Variants in ROR2 observed in about 807,000 individuals in gnomAD.
ROR2 encodes tyrosine-protein kinase transmembrane receptor ROR2.
ROR2 carries 33 observed loss-of-function variants against 74.9 expected under a neutral mutation model. That is an observed-to-expected ratio of 0.44 (90% CI 0.33 to 0.59). ROR2 has a LOEUF of 0.59. ROR2 is among the 20% of genes least tolerant of loss of function. The pLI, the probability that ROR2 is intolerant of heterozygous loss-of-function variation, is 0.02. For synonymous variants in ROR2, 586 were observed against 558.7 expected, an observed-to-expected ratio of 1.05 and a Z score of -0.69; for missense variants, 1,216 against 1,313.8, an observed-to-expected ratio of 0.93 and a Z score of 1.15.
rs902461255 is a variant in ROR2 at position 91,848,947 on chromosome 9, T to C, written c.98-73129A>G. 1.2e-4 allele frequency among the ~76,000 whole-genome samples: 18 copies of C among 152,256 alleles called. 2 individuals carry two copies. The highest frequency in any genetic ancestry group is 8.3e-4 in the South Asian group (4 of 4,820). On this transcript the variant is annotated intron_variant, in intron 1 of 8. Coordinates refer to ENST00000375708, the MANE Select transcript of ROR2 (RefSeq NM_004560.4). ...AATTACAATTCCTTAAAAGGTATTATTGTCTAGGAACATCAGGACTCTTAC... is the reference window on the plus strand; with the variant it reads ...AATTACAATTCCTTAAAAGGTATTACTGTCTAGGAACATCAGGACTCTTAC...
chr9:91,746,551 ACACTTGGCGAGCGGTGCCTTCGAATCATC>A (rs1335901844), intron 4 of ROR2, among the ~76,000 whole-genome samples: 5 of 152,168 alleles, frequency 3.3e-5, no homozygotes, highest in Non-Finnish European at 7.3e-5. Context: ...CCGTGTAGAC[ACACTTGGCGAGCGGTGCCTTCGAATCATC>A]CACTTGGCGA....
intron 1 of ROR2, among the ~76,000 whole-genome samples, chr9:91,925,887 C>A (rs1240429649): frequency 6.6e-6 from 1 of 152,176 alleles, no homozygotes; most frequent in Non-Finnish European, 1.5e-5. Flanking sequence ...TGGTGAGAAA[C>A]AAGTCACTTG....
chr9:91,801,247 G>A (rs1489094462), intron 1 of ROR2, among the ~76,000 whole-genome samples: 1 of 152,212 alleles, frequency 6.6e-6, no homozygotes, highest in Non-Finnish European at 1.5e-5. Context: ...GAAGCGTTCA[G>A]CTCCAAATGT....
In ROR2 at chr9:91,787,801, T is replaced by TG. The variant is rs1554761277; in HGVS notation, c.98-11984dup. On this transcript the variant is annotated intron_variant, in intron 1 of 8. Transcript: ENST00000375708. The stretch of plus-strand genomic sequence containing the variant: ...AAGAAAGTATGTCACATGCACAGAA[T>TG]GGGGGGGAGAAAGTGGCCAACAGAA... Among the ~76,000 whole-genome samples, 8 of 151,580 alleles carry TG rather than the reference T, an allele frequency of 5.3e-5. 1 individual carries two copies. In the East Asian group the frequency reaches 6.1e-4, roughly 11 times the overall value.
chr9:91,723,002 A>G lies in ROR2; in HGVS notation c.*660T>C, dbSNP rs1836851786. Reference sequence around the variant, plus strand: ...AAAGTGGGCAAAATACACATGGAGTATAATTAAAACCATTTCACCAAATAC... The same window carrying G: ...AAAGTGGGCAAAATACACATGGAGTGTAATTAAAACCATTTCACCAAATAC... On this transcript the variant is annotated 3_prime_UTR_variant, in exon 9 of 9. Coordinates refer to ENST00000375708, the MANE Select transcript of ROR2 (RefSeq NM_004560.4). 5.6e-6 allele frequency: 1 copy of G among 179,898 alleles called. No homozygotes were observed. The highest frequency in any genetic ancestry group is 5.5e-5 in the Admixed American group (1 of 18,144). The allele number at this position is 179,898 out of a possible 1,614,324, so 11.1% of individuals were successfully genotyped here. A position where few individuals can be genotyped will look rare whatever the true frequency, so the allele number is the denominator to read the frequency against.
intron 1 of ROR2, among the ~76,000 whole-genome samples, chr9:91,851,447 A>G (rs1326110541): frequency 6.6e-6 from 1 of 152,072 alleles, no homozygotes; most frequent in Non-Finnish European, 1.5e-5. Flanking sequence ...CTTTTGATCT[A>G]TTTGTCTATT....
At chr9:91,802,314 G>C (rs908389564) in intron 1 of ROR2, among the ~76,000 whole-genome samples, 15 of 152,012 alleles carry the variant, frequency 9.9e-5, no homozygotes, top group Non-Finnish European at 2.2e-4. Flanking sequence ...CTGACCTCAT[G>C]ATCCGCCTGC....
At chr9:91,756,950 T>A (rs1478351774) in intron 3 of ROR2, among the ~76,000 whole-genome samples, 1 of 151,960 alleles carries the variant, frequency 6.6e-6, no homozygotes, top group Non-Finnish European at 1.5e-5. Flanking sequence ...GAGTTTCTAC[T>A]AAACTGGCCA....
chr9:91,886,736 G>A (rs1374907760), intron 1 of ROR2: 1 of 152,268 alleles, frequency 6.6e-6, no homozygotes. Context: ...TTGGGGGTGG[G>A]AAGGCCGTAA....
intron 1 of ROR2, among the ~76,000 whole-genome samples, chr9:91,790,528 A>T (rs960260075): frequency 6.6e-6 from 1 of 150,814 alleles, no homozygotes; most frequent in African/African-American, 2.4e-5. Context: ...AAAAAAAAAA[A>T]GTACAGCACA....
chr9:91,756,472 T>G lies in ROR2; in HGVS notation c.464-371A>C, dbSNP rs375633135. ...ACAGGTGGGATGAAGGGGGACACAG[T>G]CCTTCCTGCCACTTAATTCCTTCAC... On this transcript the variant is annotated intron_variant, in intron 3 of 8. Coordinates refer to ENST00000375708, the MANE Select transcript of ROR2 (RefSeq NM_004560.4). Among the ~76,000 whole-genome samples the G allele has an allele frequency of 7.9e-5, 12 of 152,082 alleles. No individual in the cohort carries two copies. The East Asian group carries it at 1.4e-3, about 17-fold the overall frequency.
intron 1 of ROR2, among the ~76,000 whole-genome samples, chr9:91,893,853 A>G (rs1830479320): frequency 6.6e-6 from 1 of 152,114 alleles, no homozygotes; most frequent in Non-Finnish European, 1.5e-5. Context: ...AAAATTTACC[A>G]TCTTAACCAT....
intron 5 of ROR2, among the ~76,000 whole-genome samples, chr9:91,736,197 CTG>C (rs1464459454): frequency 2.6e-5 from 4 of 152,220 alleles, no homozygotes; most frequent in Non-Finnish European, 5.9e-5. Context: ...AGGTTCCTCT[CTG>C]TCTCATGATG....
In ROR2 at chr9:91,757,450, C is replaced by A; in HGVS notation, c.285G>T (p.Trp95Cys). 6.2e-7 allele frequency: 1 copy of A among 1,613,956 alleles called. No homozygotes were observed. Among genetic ancestry groups the A allele is most frequent in the Non-Finnish European group, 8.5e-7 (1 of 1,180,020 alleles). Residue 95 changes from tryptophan (W) to cysteine (C), a missense_variant, in exon 3 of 9, where the codon TGG (tryptophan) becomes TGT (cysteine). Trp to Cys is a radical substitution (Grantham distance 215). Transcript: ENST00000375708. Reference protein sequence around the residue: ...VAGNPPPNVRWLKNDAPVVQE... With the variant: ...VAGNPPPNVRCLKNDAPVVQE... ...GCACCACCGGGGCATCATTCTTTAGCCACCGCACGTTAGGGGGTGGGTTTC... is the reference window on the plus strand; with the variant it reads ...GCACCACCGGGGCATCATTCTTTAGACACCGCACGTTAGGGGGTGGGTTTC...
At chr9:91,849,252 G>C (rs994252718) in intron 1 of ROR2, among the ~76,000 whole-genome samples, 1 of 152,160 alleles carries the variant, frequency 6.6e-6, no homozygotes, top group Non-Finnish European at 1.5e-5. Flanking sequence ...GAGATTCCCA[G>C]GCTTTTCTTG....
chr9:91,822,268 T>A (rs1447223856), intron 1 of ROR2, among the ~76,000 whole-genome samples: 1 of 152,168 alleles, frequency 6.6e-6, no homozygotes, highest in African/African-American at 2.4e-5. Context: ...CCAGCATCCA[T>A]GCATTGGTGT....
At chr9:91,777,677 C>T (rs1253091419) in intron 1 of ROR2, among the ~76,000 whole-genome samples, 1 of 152,106 alleles carries the variant, frequency 6.6e-6, no homozygotes, top group Non-Finnish European at 1.5e-5. Flanking sequence ...ACCTCATTCC[C>T]ATTAGCAGTC....
chr9:91,867,656 CTGTGTGTGTGTGTGTGTG>C (rs57475950), intron 1 of ROR2, among the ~76,000 whole-genome samples: 5 of 131,288 alleles, frequency 3.8e-5, no homozygotes, highest in Admixed American at 7.8e-5. Flanking sequence ...CACCCATGAG[CTGTGTGTGTGTGTGTGTG>C]TGTGTGTGTG....
intron 4 of ROR2, among the ~76,000 whole-genome samples, chr9:91,738,863 C>T (rs923746713): frequency 1.3e-5 from 2 of 152,196 alleles, no homozygotes; most frequent in African/African-American, 4.8e-5. Flanking sequence ...TGGGGTAATC[C>T]TTTCCCAGGT....
Sources: allele counts gnomAD v4.1 joint callset (sites outside exome capture counted in the v4.1 genomes callset), GRCh38; gene constraint gnomAD v4.1.1; transcripts MANE v1.5; gene names NCBI Gene and HGNC (gene_info 2026-07-23, HGNC 2026-07-21).